The following STAG2 variants were observed in gnomAD, a reference collection of about 807,000 sequenced individuals.
STAG2 encodes cohesin subunit SA-2.
A neutral mutation model predicts 108.1 loss-of-function variants in STAG2; 14 were observed. The ratio of observed to expected loss-of-function variants is 0.13; its 90% CI spans 0.09 to 0.20. The LOEUF (loss-of-function observed/expected upper bound fraction) is 0.20, where lower values mean the gene tolerates loss of function less well. STAG2 is among the 10% of genes least tolerant of loss of function. The probability of loss-of-function intolerance (pLI) is 1.00; values close to 1 mark genes in which losing one functional copy is unlikely to be tolerated. For synonymous variants in STAG2, 307 were observed against 302.7 expected, an observed-to-expected ratio of 1.01 and a Z score of -0.15; for missense variants, 440 against 940.9, an observed-to-expected ratio of 0.47 and a Z score of 6.96.
At chrX:124,029,905 T>A (rs1474600662) in intron 4 of STAG2, among the ~76,000 whole-genome samples, 1 of 111,534 alleles carries the variant, frequency 9.0e-6, no homozygotes, top group African/African-American at 3.3e-5. Flanking sequence ...GGAGGTATTT[T>A]TATAGCTTAG....
chrX:124,100,686 C>A lies in STAG2; in HGVS notation c.*89C>A. The A allele has an allele frequency of 2.5e-6, 2 of 789,159 alleles. No individual in the cohort carries two copies. Among genetic ancestry groups the A allele is most frequent in the Non-Finnish European group, 3.8e-6 (2 of 531,919 alleles). The allele number at this position is 789,159 out of a possible 1,213,427, so 65.0% of individuals were successfully genotyped here. ...GTGGTAGATACAGTGAAATTCTGTA[C>A]AGATTTTTCTCTAAGGAGAATATGA... On this transcript the variant is annotated 3_prime_UTR_variant, in exon 35 of 35. Transcript: ENST00000371145.
chrX:123,986,876 CAG>C (rs1400309708), intron 1 of STAG2, among the ~76,000 whole-genome samples: 1 of 109,569 alleles, frequency 9.1e-6, no homozygotes, highest in African/African-American at 3.3e-5. Flanking sequence ...TTTTTTGAAA[CAG>C]GGCCTGCGCA....
chrX:123,969,604 T>C (rs1363807337), intron 1 of STAG2, among the ~76,000 whole-genome samples: 2 of 110,999 alleles, frequency 1.8e-5, no homozygotes, highest in Non-Finnish European at 3.8e-5. Context: ...CCCCAAGTTA[T>C]TAGGTTCATT....
intron 5 of STAG2, among the ~76,000 whole-genome samples, chrX:124,032,310 C>G (rs774056036): frequency 8.6e-4 from 96 of 111,441 alleles, no homozygotes; most frequent in African/African-American, 2.9e-3. Context: ...ATATTCATGT[C>G]GAATCATTCG....
At chrX:124,069,467 A>C (rs777208389) in intron 24 of STAG2, among the ~76,000 whole-genome samples, 2 of 112,097 alleles carry the variant, frequency 1.8e-5, no homozygotes, top group Non-Finnish European at 3.8e-5. Flanking sequence ...GTTAGGTACT[A>C]TTTATTTTAG....
chrX:124,096,157 C>T (rs762930220), intron 34 of STAG2, among the ~76,000 whole-genome samples: 8 of 105,254 alleles, frequency 7.6e-5, no homozygotes, highest in East Asian at 3.0e-4. Flanking sequence ...TCTCACTTAT[C>T]GTTCTAAGTC....
At chrX:123,998,641 A>T (rs772345778) in intron 1 of STAG2, among the ~76,000 whole-genome samples, 1 of 108,180 alleles carries the variant, frequency 9.2e-6, no homozygotes, top group East Asian at 2.9e-4. Context: ...TATCTAACTA[A>T]CTGATGGCCT....
chrX:124,083,452 A>C lies in STAG2; in HGVS notation c.2956A>C (p.Asn986His). The change falls in exon 29 of 35, where the codon AAT becomes CAT. Residue 986 changes from asparagine (N) to histidine (H), a missense_variant. Asn to His is a moderately conservative substitution (Grantham distance 68). This residue lies in a region of STAG2 where 337 missense variants were observed against 649.3 expected (regional missense o/e 0.52). Coordinates refer to ENST00000371145, the MANE Select transcript of STAG2 (RefSeq NM_001042750.2). The part of the protein sequence containing the change: ...DGIEFAFKEP[N>H]PQGESHPPLN... ...CATAGAATTTGCTTTTAAAGAGCCT[A>C]ATCCGCAAGGGGAGAGCCATCCACC... 1 of 1,194,032 alleles carries C rather than the reference A, an allele frequency of 8.4e-7. No homozygotes were observed. Among genetic ancestry groups the C allele is most frequent in the Non-Finnish European group, 1.1e-6 (1 of 886,948 alleles).
chrX:124,039,119 C>T (rs1298237871), intron 6 of STAG2, among the ~76,000 whole-genome samples: 1 of 99,166 alleles, frequency 1.0e-5, no homozygotes, highest in Admixed American at 1.2e-4. Context: ...AATTTTAAAT[C>T]TTAAGTCTCC....
intron 5 of STAG2, among the ~76,000 whole-genome samples, chrX:124,032,438 A>C (rs1339410548): frequency 9.0e-6 from 1 of 111,706 alleles, no homozygotes; most frequent in South Asian, 3.7e-4. Context: ...TACTTAATAA[A>C]GTTTTAATTT....
At chrX:124,020,216 T>TTA (rs1479596846) in intron 1 of STAG2, among the ~76,000 whole-genome samples, 1 of 112,330 alleles carries the variant, frequency 8.9e-6, no homozygotes, top group Admixed American at 9.5e-5. Flanking sequence ...GATGCATTCT[T>TTA]TATATTCATC....
At chrX:124,025,080 G>A in intron 3 of STAG2, among the ~76,000 whole-genome samples, 1 of 111,277 alleles carries the variant, frequency 9.0e-6, no homozygotes, top group East Asian at 2.8e-4. Flanking sequence ...CCAGAACAAG[G>A]GACAGTTGTT....
At position 124,030,998 on chromosome X, in the gene STAG2, G is replaced by T. The variant is rs1205210487; in HGVS notation, c.161G>T (p.Gly54Val). The T allele has an allele frequency of 4.0e-5, 48 of 1,205,264 alleles. No individual in the cohort carries two copies. Among genetic ancestry groups the T allele is most frequent in the Non-Finnish European group, 5.4e-5 (48 of 893,678 alleles). The change falls in exon 5 of 35, where the codon GGC (glycine) becomes GTC (valine). Residue 54 changes from glycine to valine, a missense_variant. Physicochemically the swap from Gly to Val is moderately radical, Grantham distance 109 (BLOSUM62 -3). Transcript: ENST00000371145. ...GGCAAAAAGGGCCCAGCAGAAAAGG[G>T]CAAAGGTGGAAATGGAGGAGGAAAA... ...KKGKKGPAEKGKGGNGGGKPP... is the reference protein window; with the variant it reads ...KKGKKGPAEKVKGGNGGGKPP...
chrX:124,076,002 G>A (rs915388379), intron 25 of STAG2, among the ~76,000 whole-genome samples: 4 of 111,341 alleles, frequency 3.6e-5, no homozygotes, highest in African/African-American at 1.3e-4. Flanking sequence ...GAACGTAGGA[G>A]CCTTAACTAA....
intron 25 of STAG2, among the ~76,000 whole-genome samples, chrX:124,073,249 C>A (rs902149342): frequency 1.8e-5 from 2 of 111,677 alleles, no homozygotes. Context: ...GATTCTAAAA[C>A]CTGATACAAA....
chrX:124,085,552 G>T (rs780964262), intron 29 of STAG2, among the ~76,000 whole-genome samples: 1 of 110,484 alleles, frequency 9.1e-6, no homozygotes, highest in Non-Finnish European at 1.9e-5. Context: ...ATTTTGGGAG[G>T]TCAAGGCGGG....
intron 29 of STAG2, among the ~76,000 whole-genome samples, chrX:124,085,853 A>G (rs774692734): frequency 6.0e-4 from 66 of 110,020 alleles, no homozygotes; most frequent in African/African-American, 7.6e-4. Context: ...GATTTCTCCT[A>G]TTCTCTTTAA....
intron 1 of STAG2, among the ~76,000 whole-genome samples, chrX:123,998,267 C>T (rs1367462082): frequency 9.8e-6 from 1 of 102,227 alleles, no homozygotes; most frequent in African/African-American, 3.6e-5. Flanking sequence ...TTCCCAGTTT[C>T]GAGATTCTCC....
intron 5 of STAG2, among the ~76,000 whole-genome samples, chrX:124,034,856 A>AGTT (rs762597866): frequency 1.2e-3 from 121 of 100,217 alleles, no homozygotes; most frequent in African/African-American, 3.8e-3. Context: ...CTATCTCAGT[A>AGTT]GTTGTTGTTG....
Sources: allele counts gnomAD v4.1 joint callset (sites outside exome capture counted in the v4.1 genomes callset), GRCh38; gene constraint gnomAD v4.1.1; regional missense constraint gnomAD v4.1.1; transcripts MANE v1.5; gene names NCBI Gene and HGNC (gene_info 2026-07-23, HGNC 2026-07-21).